WDR72: variants seen among roughly 807,000 people sequenced by gnomAD.
WDR72 encodes the protein WD repeat-containing protein 72.
Under a neutral mutation model 124.2 loss-of-function variants are expected in WDR72, and 120 were observed. The observed-to-expected ratio is 0.97, with a 90% CI of 0.83 to 1.12. The LOEUF (loss-of-function observed/expected upper bound fraction) is 1.12, where lower values mean the gene tolerates loss of function less well. WDR72 is among the 50% of genes most tolerant of loss of function. The pLI is 0.00. For synonymous variants in WDR72, 452 were observed against 441.7 expected (o/e 1.02, Z -0.29); for missense variants, 1,387 against 1,278.8 (o/e 1.08, Z -1.29).
chr15:53,572,800 C>T (rs1595767786), intron 18 of WDR72, among the ~76,000 whole-genome samples: 1 of 152,182 alleles, frequency 6.6e-6, no homozygotes, highest in Non-Finnish European at 1.5e-5. Context: ...GCTCCAGTTA[C>T]TGCCCTCTGG....
chr15:53,760,288 A>G (rs2019037194), upstream of WDR72, among the ~76,000 whole-genome samples: 1 of 151,218 alleles, frequency 6.6e-6, no homozygotes, highest in Non-Finnish European at 1.5e-5. Flanking sequence ...TGTTTTTTCT[A>G]CCCATTTACC....
intron 18 of WDR72, among the ~76,000 whole-genome samples, chr15:53,539,745 TA>T (rs1385307662): frequency 1.3e-5 from 2 of 151,900 alleles, no homozygotes; most frequent in Admixed American, 1.3e-4. Context: ...GATGACATAG[TA>T]AAAGAACATA....
At chr15:53,696,720 C>G (rs1338693280) in intron 13 of WDR72, among the ~76,000 whole-genome samples, 1 of 152,180 alleles carries the variant, frequency 6.6e-6, no homozygotes, top group Admixed American at 6.5e-5. Context: ...TCTTAGCCAG[C>G]TGAAATCTGG....
rs148013642 is a variant in WDR72 at position 53,660,162 on chromosome 15, T to G, written c.1962+5410A>C. Among the ~76,000 whole-genome samples the G allele has an allele frequency of 3.9e-3, 589 of 152,142 alleles. 1 individual carries two copies. Among genetic ancestry groups the G allele is most frequent in the African/African-American group, 0.014 (564 of 41,572 alleles). On this transcript the variant is annotated intron_variant, in intron 14 of 19. Transcript: ENST00000360509. The stretch of plus-strand genomic sequence containing the variant: ...TCAAAAAGGGAAAATTTTCATTCTA[T>G]ATGGATGATTTAGCCCTATATAATG...
chr15:53,562,065 T>G (rs531313057), intron 18 of WDR72, among the ~76,000 whole-genome samples: 9 of 151,896 alleles, frequency 5.9e-5, no homozygotes, highest in Admixed American at 3.9e-4. Flanking sequence ...CACTAAGCTC[T>G]TTTTAAGTAA....
At chr15:53,610,705 T>G (rs928132361) in intron 16 of WDR72, among the ~76,000 whole-genome samples, 3 of 152,052 alleles carry the variant, frequency 2.0e-5, no homozygotes, top group Non-Finnish European at 4.4e-5. Flanking sequence ...TTGATATTAC[T>G]TTTTCCTGAT....
In WDR72 at chr15:53,597,253, C is replaced by A; in HGVS notation, c.2974G>T (p.Val992Phe). ...TGTTGTTGAACTTCCGCCAAGAGAACAGCTTGTATTGCTTCAGTTACCTGT... is the reference window on the plus strand; with the variant it reads ...TGTTGTTGAACTTCCGCCAAGAGAAAAGCTTGTATTGCTTCAGTTACCTGT... ...SVQVTEAIQA[V>F]LLAEVQQHMK... Residue 992 changes from valine (V) to phenylalanine (F), a missense_variant, in exon 18 of 20, where the codon GTT (valine) becomes TTT (phenylalanine). By Grantham distance (50) the Val-to-Phe change is conservative (BLOSUM62 -1). Transcript: ENST00000360509. 6.2e-7 allele frequency: 1 copy of A among 1,613,732 alleles called. No individual in the cohort carries two copies. The highest frequency in any genetic ancestry group is 1.3e-5 in the African/African-American group (1 of 75,020).
At chr15:53,693,502 G>A (rs1418716600) in intron 13 of WDR72, among the ~76,000 whole-genome samples, 1 of 152,154 alleles carries the variant, frequency 6.6e-6, no homozygotes, top group Non-Finnish European at 1.5e-5. Context: ...GCTATTAGCT[G>A]TTGGTTGACA....
At chr15:53,577,216 G>A (rs1291529186) in intron 18 of WDR72, among the ~76,000 whole-genome samples, 2 of 152,126 alleles carry the variant, frequency 1.3e-5, no homozygotes, top group Admixed American at 1.3e-4. Flanking sequence ...CACTGTAAAA[G>A]CTTATTAAGG....
intron 18 of WDR72, among the ~76,000 whole-genome samples, chr15:53,541,521 G>A (rs1391944157): frequency 6.6e-6 from 1 of 151,246 alleles, no homozygotes; most frequent in Admixed American, 6.6e-5. Flanking sequence ...AGCAAAAGTA[G>A]ATAAAACCAC....
chr15:53,686,632 G>C (rs1459506635), intron 13 of WDR72, among the ~76,000 whole-genome samples: 4 of 149,314 alleles, frequency 2.7e-5, no homozygotes, highest in Admixed American at 6.6e-5. Context: ...ACACCCCACT[G>C]TCAACGTTAG....
chr15:53,618,675 T>A (rs2013864815), intron 14 of WDR72, among the ~76,000 whole-genome samples: 1 of 152,002 alleles, frequency 6.6e-6, no homozygotes, highest in Non-Finnish European at 1.5e-5. Context: ...ATCTGTCTTT[T>A]CTCTCTGCTG....
At position 53,635,175 on chromosome 15, in the gene WDR72, G is replaced by A. The variant is rs1161038884; in HGVS notation, c.1963-18932C>T. Among the ~76,000 whole-genome samples, 4 of 152,162 alleles carry A rather than the reference G, an allele frequency of 2.6e-5. No homozygotes were observed. The South Asian group carries it at 8.3e-4, about 32-fold the overall frequency. ...AGAAGCACCTAGGGTAGAACAGTAA[G>A]TAGGCCTCATTCAAAGAGATACACA... On this transcript the variant is annotated intron_variant, in intron 14 of 19. Coordinates refer to ENST00000360509, the MANE Select transcript of WDR72 (RefSeq NM_182758.4).
chr15:53,615,358 T>C (rs2013712104), intron 15 of WDR72, 68 bp downstream of exon 15: 2 of 1,282,602 alleles, frequency 1.6e-6, no homozygotes, highest in Admixed American at 2.0e-5. Context: ...GAGCTAAATA[T>C]AGCAAATAAT....
chr15:53,586,691 C>G (rs1415023455), intron 18 of WDR72, among the ~76,000 whole-genome samples: 1 of 152,056 alleles, frequency 6.6e-6, no homozygotes, highest in African/African-American at 2.4e-5. Flanking sequence ...AAGCCCAAAG[C>G]TAAGCTGTGA....
At chr15:53,736,959 C>T (rs1474649424) in intron 1 of WDR72, among the ~76,000 whole-genome samples, 1 of 148,764 alleles carries the variant, frequency 6.7e-6, no homozygotes, top group Non-Finnish European at 1.5e-5. Flanking sequence ...GTACTGGAGT[C>T]GAATTAGAGG....
chr15:53,630,175 G>A (rs1239804563), intron 14 of WDR72, among the ~76,000 whole-genome samples: 2 of 152,028 alleles, frequency 1.3e-5, no homozygotes, highest in African/African-American at 4.8e-5. Context: ...AATAGAAAGT[G>A]GAACAGACCT....
intron 18 of WDR72, among the ~76,000 whole-genome samples, chr15:53,571,985 T>C (rs936878917): frequency 1.3e-5 from 2 of 152,160 alleles, no homozygotes; most frequent in African/African-American, 4.8e-5. Context: ...TGAACATTTT[T>C]TCATATACCT....
At chr15:53,631,836 G>C (rs948713062) in intron 14 of WDR72, among the ~76,000 whole-genome samples, 58 of 152,178 alleles carry the variant, frequency 3.8e-4, no homozygotes, top group African/African-American at 1.3e-3. Context: ...TTGAAGCACT[G>C]AAGATGTGAC....
Sources: allele counts gnomAD v4.1 joint callset (sites outside exome capture counted in the v4.1 genomes callset), GRCh38; gene constraint gnomAD v4.1.1; transcripts MANE v1.5; gene names NCBI Gene and HGNC (gene_info 2026-07-23, HGNC 2026-07-21).